Variants in ANKRD30B observed in about 807,000 individuals in gnomAD.
The protein encoded by ANKRD30B is ankyrin repeat domain-containing protein 30B.
ANKRD30B carries 144 observed loss-of-function variants against 202.2 expected under a neutral mutation model. The observed-to-expected ratio is 0.71, with a 90% CI of 0.62 to 0.82. The LOEUF is 0.82. ANKRD30B is among the 40% of genes least tolerant of loss of function. ANKRD30B has a pLI of 0.00. For missense variants in ANKRD30B, 1,487 were observed against 1,669.1 expected (o/e 0.89, Z 1.90); for synonymous variants, 508 against 561.3 (o/e 0.91, Z 1.34).
chr18:14,784,648 T>C, intron 14 of ANKRD30B, 113 bp downstream of exon 14: 1 of 1,215,210 alleles, frequency 8.2e-7, no homozygotes, highest in Non-Finnish European at 1.1e-6. Flanking sequence ...AGATTTGATC[T>C]AGATAATGCC....
the ANKRD30B span, among the ~76,000 whole-genome samples, chr18:14,880,363 G>A: frequency 1.3e-5 from 2 of 152,078 alleles, no homozygotes; most frequent in Non-Finnish European, 2.9e-5. Flanking sequence ...TGGCTACATG[G>A]CTTTCTTTTG....
chr18:14,925,409 C>T, the ANKRD30B span, among the ~76,000 whole-genome samples: 1 of 152,196 alleles, frequency 6.6e-6, no homozygotes, highest in African/African-American at 2.4e-5. Flanking sequence ...AGGAGCTGTC[C>T]GGAAATGTCC....
At chr18:14,781,907 A>T (rs1967774426) in intron 11 of ANKRD30B, among the ~76,000 whole-genome samples, 1 of 152,190 alleles carries the variant, frequency 6.6e-6, no homozygotes, top group African/African-American at 2.4e-5. Context: ...AAAAGCACTT[A>T]AGCACCTGTG....
intron 14 of ANKRD30B, among the ~76,000 whole-genome samples, chr18:14,785,986 C>T (rs1458492564): frequency 4.1e-5 from 6 of 145,224 alleles, no homozygotes; most frequent in African/African-American, 7.9e-5. Flanking sequence ...TGCAGTGAGC[C>T]GAGATTGCGC....
Position 14,827,263 on chromosome 18 carries a change from G to A in ANKRD30B, c.2744-1015G>A, listed in dbSNP as rs556113867. ...TCATGACCTGGATGAGATGGAACAG[G>A]ATGCCTTAATATTTCATTGTACTCC... On this transcript the variant is annotated intron_variant, in intron 32 of 43. Coordinates refer to ENST00000690538, the MANE Select transcript of ANKRD30B (RefSeq NM_001367607.2). Among the ~76,000 whole-genome samples, 230 of 152,264 alleles carry A rather than the reference G, an allele frequency of 1.5e-3. 1 individual carries two copies. The highest frequency in any genetic ancestry group is 6.8e-3 in the Middle Eastern group (2 of 294).
chr18:14,840,557 A>G, intron 36 of ANKRD30B, 31 bp from the exon 37 acceptor site: 3 of 1,134,456 alleles, frequency 2.6e-6, no homozygotes, highest in Non-Finnish European at 3.5e-6. Context: ...TAGTAAAAAA[A>G]GAAATTATTT....
At chr18:14,751,251 A>G (rs1274108036) in intron 1 of ANKRD30B, among the ~76,000 whole-genome samples, 1 of 152,040 alleles carries the variant, frequency 6.6e-6, no homozygotes, top group Middle Eastern at 3.2e-3. Flanking sequence ...AATGACAAAT[A>G]TAAGTGTTTT....
At chr18:14,841,022 A>G (rs1363302480) in intron 37 of ANKRD30B, among the ~76,000 whole-genome samples, 1 of 152,224 alleles carries the variant, frequency 6.6e-6, no homozygotes, top group Non-Finnish European at 1.5e-5. Context: ...AACTCTTTAG[A>G]GAAAGATAGA....
the ANKRD30B span, among the ~76,000 whole-genome samples, chr18:14,922,864 T>C: frequency 1.3e-5 from 2 of 152,098 alleles, no homozygotes; most frequent in South Asian, 2.1e-4. Context: ...AGTGACTCCT[T>C]CATTTCGCTT....
intron 30 of ANKRD30B, among the ~76,000 whole-genome samples, chr18:14,818,960 T>C (rs1422168473): frequency 6.6e-6 from 1 of 152,106 alleles, no homozygotes; most frequent in Non-Finnish European, 1.5e-5. Context: ...ATGGTTGAAC[T>C]AGTTTACAGT....
the ANKRD30B span, among the ~76,000 whole-genome samples, chr18:14,872,551 G>T: frequency 6.6e-6 from 1 of 152,068 alleles, no homozygotes; most frequent in Non-Finnish European, 1.5e-5. Flanking sequence ...ATGCAGCGTG[G>T]TCCTTTCCCC....
At chr18:14,792,717 T>C (rs975330929) in intron 16 of ANKRD30B, among the ~76,000 whole-genome samples, 2 of 117,946 alleles carry the variant, frequency 1.7e-5, no homozygotes, top group African/African-American at 6.4e-5. Context: ...TCTTTATTAC[T>C]ATGAGGCATC....
chr18:14,937,595 G>T, the ANKRD30B span, among the ~76,000 whole-genome samples: 1 of 139,954 alleles, frequency 7.1e-6, no homozygotes, highest in Admixed American at 7.3e-5. Context: ...CCTCTAAAGG[G>T]CATGGAGGGG....
chr18:14,798,746 A>G (rs1189643774), intron 20 of ANKRD30B, among the ~76,000 whole-genome samples: 1 of 152,100 alleles, frequency 6.6e-6, no homozygotes, highest in Non-Finnish European at 1.5e-5. Flanking sequence ...GGTGATGTGA[A>G]ACCTCCCTGA....
the ANKRD30B span, among the ~76,000 whole-genome samples, chr18:14,869,319 T>C: frequency 5.3e-5 from 8 of 151,588 alleles, no homozygotes; most frequent in Non-Finnish European, 1.2e-4. Context: ...TCCAGCATTC[T>C]CCTTTCAGTG....
chr18:14,787,247 T>C, intron 15 of ANKRD30B, 147 bp downstream of exon 15: 1 of 663,400 alleles, frequency 1.5e-6, no homozygotes, highest in Non-Finnish European at 2.4e-6. Flanking sequence ...TAATAGAGAA[T>C]ATATGTGCTA....
At chr18:14,885,414 A>G in the ANKRD30B span, among the ~76,000 whole-genome samples, 1 of 152,030 alleles carries the variant, frequency 6.6e-6, no homozygotes, top group Non-Finnish European at 1.5e-5. Context: ...TGTCATATTA[A>G]TGCAACCACT....
At chr18:14,773,568 A>T (rs2143810230) in intron 9 of ANKRD30B, among the ~76,000 whole-genome samples, 2 of 152,284 alleles carry the variant, frequency 1.3e-5, no homozygotes, top group South Asian at 4.1e-4. Flanking sequence ...ACAATCAGAG[A>T]TATGTAGTAA....
At chr18:14,831,184 A>AAAAACAAAAC (rs1349511959) in intron 33 of ANKRD30B, among the ~76,000 whole-genome samples, 199 bp from the exon 34 acceptor site, 2 of 149,996 alleles carry the variant, frequency 1.3e-5, no homozygotes, top group African/African-American at 4.9e-5. Context: ...CGTCTCGGAA[A>AAAAACAAAAC]AAAAAAAAAA....
Sources: gnomAD v4.1 joint callset for allele counts (sites outside exome capture counted in the v4.1 genomes callset) on GRCh38, gnomAD v4.1.1 for gene constraint, MANE v1.5 for transcripts, NCBI Gene and HGNC (gene_info 2026-07-23, HGNC 2026-07-21) for gene names.